MEP1B: variants seen among roughly 807,000 people sequenced by gnomAD.
MEP1B encodes meprin A subunit beta.
A neutral mutation model predicts 84.6 loss-of-function variants in MEP1B; 80 were observed. That is an observed-to-expected ratio of 0.95 (90% CI 0.79 to 1.14). The LOEUF (loss-of-function observed/expected upper bound fraction) is 1.14. Ranked by LOEUF, MEP1B falls within the 50% of genes most tolerant of loss-of-function variation. MEP1B has a pLI of 0.00. For synonymous variants in MEP1B, 273 were observed against 288.1 expected (o/e 0.95, Z 0.53); for missense variants, 766 against 855.1 (o/e 0.90, Z 1.30).
Position 32,204,183 on chromosome 18 carries a change from T to G in MEP1B, c.370T>G (p.Cys124Gly), listed in dbSNP as rs949398964. The change falls in exon 7 of 15, where the codon TGC becomes GGC. Residue 124 changes from cysteine (C) to glycine (G), a missense_variant and splice_region_variant. By Grantham distance (159) the Cys-to-Gly change is radical (BLOSUM62 -3). Coordinates refer to ENST00000269202, the MANE Select transcript of MEP1B (RefSeq NM_005925.3). ...NYISVFKGSG[C>G]WSSVGNRRVG... ...CTTTCTTGTAAACTCTCCTGTAAGC[T>G]GCTGGTCTTCAGTAGGAAATAGGCG... 6.2e-7 allele frequency: 1 copy of G among 1,604,626 alleles called. No homozygotes were observed. Among genetic ancestry groups the G allele is most frequent in the Non-Finnish European group, 8.5e-7 (1 of 1,175,560 alleles).
rs1598885503 is a variant in MEP1B at position 32,192,907 on chromosome 18, T to C, written c.171+90T>C. On this transcript the variant is annotated intron_variant, in intron 4 of 14. Transcript: ENST00000269202. ...GAGAAAGATTAGACAGCATGAACTT[T>C]GTTAAGCCTAACTATCTCTAAGGGT... is the stretch of plus-strand genomic sequence containing the variant. The C allele has an allele frequency of 2.4e-5, 24 of 988,946 alleles. No homozygotes were observed. The East Asian group carries it at 5.5e-4, about 23-fold the overall frequency. 61.3% of individuals were successfully genotyped at this position (988,946 alleles called of 1,614,324 possible).
intron 14 of MEP1B, 60 bp downstream of exon 14, chr18:32,218,025 A>T: frequency 6.6e-7 from 1 of 1,504,264 alleles, no homozygotes; most frequent in South Asian, 1.2e-5. Flanking sequence ...ATGGAGAGGA[A>T]CTAGGACATT....
At chr18:32,195,285 C>T in intron 4 of MEP1B, 122 bp from the exon 5 acceptor site, 1 of 647,162 alleles carries the variant, frequency 1.5e-6, no homozygotes, top group South Asian at 1.9e-5. Flanking sequence ...CACACACACA[C>T]ACACAATTTG....
chr18:32,190,539 A>G (rs954970446), intron 1 of MEP1B, among the ~76,000 whole-genome samples: 1 of 152,166 alleles, frequency 6.6e-6, no homozygotes, highest in Admixed American at 6.5e-5. Context: ...ATGCTTCTTC[A>G]TCAGTTTAGA....
intron 5 of MEP1B, among the ~76,000 whole-genome samples, chr18:32,201,995 T>A (rs541226740): frequency 6.6e-6 from 1 of 152,204 alleles, no homozygotes; most frequent in Non-Finnish European, 1.5e-5. Flanking sequence ...CCTCACAATA[T>A]CCTGCAAAGT....
chr18:32,203,054 T>C (rs1193299031), intron 6 of MEP1B, 44 bp downstream of exon 6: 3 of 1,135,274 alleles, frequency 2.6e-6, no homozygotes, highest in South Asian at 2.6e-5. Flanking sequence ...AGGAGAACTC[T>C]AGTGCCTGGG....
chr18:32,193,447 T>G (rs1408055769), intron 4 of MEP1B, among the ~76,000 whole-genome samples: 1 of 152,160 alleles, frequency 6.6e-6, no homozygotes, highest in Non-Finnish European at 1.5e-5. Context: ...AGACAAGATA[T>G]AGTTTATTGC....
At chr18:32,197,316 C>G (rs2040865203) in intron 5 of MEP1B, among the ~76,000 whole-genome samples, 1 of 152,106 alleles carries the variant, frequency 6.6e-6, no homozygotes, top group African/African-American at 2.4e-5. Flanking sequence ...TGCCACTGAC[C>G]AGCATTAGCT....
At chr18:32,208,029 T>G in intron 8 of MEP1B, 90 bp from the exon 9 acceptor site, 19 of 1,374,788 alleles carry the variant, frequency 1.4e-5, no homozygotes, top group Non-Finnish European at 1.9e-5. Flanking sequence ...AATACCAACC[T>G]GGCATTTCTA....
rs759219920 is a variant in MEP1B, at chr18:32,192,608, T to G, written c.83-38T>G. ...TAAAGGTTTTCTCCTTTTATAAACA[T>G]AATGTTCAATTTTTTGTTGTTGTTG... On this transcript the variant is annotated intron_variant, in intron 2 of 14. Transcript: ENST00000269202. The G allele has an allele frequency of 3.1e-6, 5 of 1,592,878 alleles. No individual in the cohort carries two copies. The African/African-American group carries it at 4.0e-5, about 13-fold the overall frequency.
At chr18:32,197,952 T>C (rs2040872759) in intron 5 of MEP1B, among the ~76,000 whole-genome samples, 7 of 152,198 alleles carry the variant, frequency 4.6e-5, no homozygotes, top group Admixed American at 4.6e-4. Context: ...GTCTATGCAA[T>C]ATTTAGCTCC....
chr18:32,195,914 A>C (rs1389138169), intron 5 of MEP1B: 2 of 252,710 alleles, frequency 7.9e-6, no homozygotes, highest in East Asian at 2.2e-4. Context: ...GAAACATGGA[A>C]GAAGAGGGCC....
intron 14 of MEP1B, among the ~76,000 whole-genome samples, chr18:32,218,343 G>T (rs2041115621): frequency 6.6e-6 from 1 of 152,196 alleles, no homozygotes; most frequent in Non-Finnish European, 1.5e-5. Context: ...TCTTGTAGTG[G>T]TGGTGAGCTG....
chr18:32,209,919 T>C (rs1286078346), intron 9 of MEP1B, among the ~76,000 whole-genome samples: 1 of 152,194 alleles, frequency 6.6e-6, no homozygotes, highest in African/African-American at 2.4e-5. Flanking sequence ...GAAGTTCACG[T>C]TGAATTACCC....
At chr18:32,197,910 C>T (rs1034555698) in intron 5 of MEP1B, among the ~76,000 whole-genome samples, 7 of 152,124 alleles carry the variant, frequency 4.6e-5, no homozygotes. Context: ...CTTGTAGTCC[C>T]CAGTGTCTTT....
chr18:32,211,582 A>G lies in MEP1B; in HGVS notation c.1135+866A>G, dbSNP rs1054114287. On this transcript the variant is annotated intron_variant, in intron 10 of 14. Coordinates refer to ENST00000269202, the MANE Select transcript of MEP1B (RefSeq NM_005925.3). Reference sequence around the variant, plus strand: ...TCTTCCTCTAATATAAAGCTTAAAAAATAAATCCCAGTGAAGAACTGGGAT... The same window carrying G: ...TCTTCCTCTAATATAAAGCTTAAAAGATAAATCCCAGTGAAGAACTGGGAT... Among the ~76,000 whole-genome samples the G allele has an allele frequency of 2.6e-5, 4 of 152,188 alleles. No homozygotes were observed. The South Asian group carries it at 8.3e-4, about 32-fold the overall frequency.
At chr18:32,206,540 C>T (rs2040966833) in intron 7 of MEP1B, among the ~76,000 whole-genome samples, 1 of 151,970 alleles carries the variant, frequency 6.6e-6, no homozygotes, top group Non-Finnish European at 1.5e-5. Context: ...GGCAATCCTC[C>T]CACCTCAGCC....
intron 14 of MEP1B, among the ~76,000 whole-genome samples, chr18:32,218,334 C>G (rs1453300797): frequency 6.6e-6 from 1 of 151,960 alleles, no homozygotes; most frequent in Non-Finnish European, 1.5e-5. Flanking sequence ...TTCTAAAGGT[C>G]TTGTAGTGGT....
intron 6 of MEP1B, 43 bp from the exon 7 acceptor site, chr18:32,204,139 T>C (rs1478272484): frequency 6.4e-7 from 1 of 1,556,940 alleles, no homozygotes; most frequent in Non-Finnish European, 8.7e-7. Flanking sequence ...AGACCTCAGA[T>C]TGTAACATTC....
Sources: allele counts gnomAD v4.1 joint callset (sites outside exome capture counted in the v4.1 genomes callset), GRCh38; gene constraint gnomAD v4.1.1; transcripts MANE v1.5; gene names NCBI Gene and HGNC (gene_info 2026-07-23, HGNC 2026-07-21).